Variants in BCKDHB observed in about 807,000 individuals in gnomAD.
The protein encoded by BCKDHB is 2-oxoisovalerate dehydrogenase subunit beta, mitochondrial.
BCKDHB carries 41 observed loss-of-function variants against 48.5 expected under a neutral mutation model. That is an observed-to-expected ratio of 0.85 (90% CI 0.66 to 1.10). BCKDHB has a LOEUF of 1.10. BCKDHB is among the 50% of genes least tolerant of loss of function. The pLI, the probability that BCKDHB is intolerant of heterozygous loss-of-function variation, is 0.00. For missense variants in BCKDHB, 496 were observed against 494.2 expected (o/e 1.00, Z -0.03); for synonymous variants, 201 against 174.8 (o/e 1.15, Z -1.18).
At chr6:80,170,030 C>A in intron 5 of BCKDHB, 1 of 739,818 alleles carries the variant, frequency 1.4e-6, no homozygotes. Flanking sequence ...CATTTTCTTT[C>A]TTCCTCTTCC....
intron 3 of BCKDHB, among the ~76,000 whole-genome samples, chr6:80,163,821 A>G (rs1021612027): frequency 6.6e-6 from 1 of 152,174 alleles, no homozygotes; most frequent in African/African-American, 2.4e-5. Context: ...CCTTCAGGTT[A>G]CCCAGGCCAA....
intron 3 of BCKDHB, among the ~76,000 whole-genome samples, chr6:80,153,202 A>C (rs1771875854): frequency 6.6e-6 from 1 of 152,092 alleles, no homozygotes; most frequent in Non-Finnish European, 1.5e-5. Flanking sequence ...GTTCAGTGGT[A>C]AACCTCAGGA....
the BCKDHB span, among the ~76,000 whole-genome samples, chr6:80,429,305 T>C: frequency 1.3e-5 from 2 of 152,232 alleles, no homozygotes; most frequent in Non-Finnish European, 2.9e-5. Context: ...TCAGGTAGCA[T>C]GATGCCTCCA....
intron 1 of BCKDHB, among the ~76,000 whole-genome samples, chr6:80,117,516 C>T (rs1655261182): frequency 6.6e-6 from 1 of 152,176 alleles, no homozygotes; most frequent in African/African-American, 2.4e-5. Flanking sequence ...CAAAACTGGC[C>T]ATAAAGAGAA....
chr6:80,190,277 T>G (rs1773832603), intron 6 of BCKDHB, among the ~76,000 whole-genome samples: 1 of 152,190 alleles, frequency 6.6e-6, no homozygotes, highest in Non-Finnish European at 1.5e-5. Context: ...TATTTTCTAT[T>G]TTTAAACAAA....
intron 8 of BCKDHB, among the ~76,000 whole-genome samples, chr6:80,239,236 A>G (rs535941271): frequency 3.0e-3 from 462 of 152,230 alleles, no homozygotes; most frequent in Non-Finnish European, 5.6e-3. Context: ...AAGTGTTCCT[A>G]TTTCTCCACA....
At chr6:80,270,065 A>G (rs968046525) in intron 8 of BCKDHB, among the ~76,000 whole-genome samples, 2 of 152,156 alleles carry the variant, frequency 1.3e-5, no homozygotes, top group African/African-American at 4.8e-5. Flanking sequence ...CATTTTCACT[A>G]TACTAACATT....
intron 6 of BCKDHB, among the ~76,000 whole-genome samples, chr6:80,174,126 C>A (rs116945354): frequency 1.2e-3 from 188 of 152,152 alleles, no homozygotes; most frequent in East Asian, 6.8e-3. Context: ...TACATCCCTT[C>A]TTTTTAAATT....
At chr6:80,376,531 A>G in the BCKDHB span, among the ~76,000 whole-genome samples, 1 of 152,182 alleles carries the variant, frequency 6.6e-6, no homozygotes, top group Non-Finnish European at 1.5e-5. Flanking sequence ...GGGTCTGTGA[A>G]TTCTCTTGGC....
the BCKDHB span, among the ~76,000 whole-genome samples, chr6:80,411,945 C>T: frequency 2.0e-5 from 3 of 152,330 alleles, no homozygotes; most frequent in African/African-American, 7.2e-5. Context: ...TGCTTTGGCT[C>T]AGCCTCTGTG....
At chr6:80,158,411 A>G (rs1304902945) in intron 3 of BCKDHB, among the ~76,000 whole-genome samples, 1 of 152,182 alleles carries the variant, frequency 6.6e-6, no homozygotes, top group African/African-American at 2.4e-5. Flanking sequence ...ATTTCTAAAC[A>G]ATGCTTCTTG....
In BCKDHB at chr6:80,168,859, T is replaced by C; in HGVS notation, c.478-16T>C. On this transcript the variant is annotated splice_polypyrimidine_tract_variant and intron_variant, in intron 4 of 9. Coordinates refer to ENST00000320393, the MANE Select transcript of BCKDHB (RefSeq NM_183050.4). ...GACTCATTGTGCCATGCCCCGTCTT[T>C]CTTTCTGACCCTCAGATTGTTAATG... 1 of 1,613,732 alleles carries C rather than the reference T, an allele frequency of 6.2e-7. No homozygotes were observed. Among genetic ancestry groups the C allele is most frequent in the Non-Finnish European group, 8.5e-7 (1 of 1,179,876 alleles).
At chr6:80,375,598 T>C in the BCKDHB span, among the ~76,000 whole-genome samples, 1 of 152,190 alleles carries the variant, frequency 6.6e-6, no homozygotes, top group African/African-American at 2.4e-5. Context: ...TTACCTTTTC[T>C]CTGGTGCCTC....
chr6:80,281,579 A>G (rs1371181022), intron 9 of BCKDHB, among the ~76,000 whole-genome samples: 7 of 152,224 alleles, frequency 4.6e-5, no homozygotes, highest in Non-Finnish European at 8.8e-5. Flanking sequence ...CGATGAATAT[A>G]GACTACCATT....
At chr6:80,128,535 G>T (rs1175430396) in intron 2 of BCKDHB, among the ~76,000 whole-genome samples, 1 of 151,856 alleles carries the variant, frequency 6.6e-6, no homozygotes, top group Non-Finnish European at 1.5e-5. Context: ...TGTGTCCTTC[G>T]TGCTTGCCTC....
At chr6:80,267,276 T>G (rs1013947802) in intron 8 of BCKDHB, among the ~76,000 whole-genome samples, 3 of 152,098 alleles carry the variant, frequency 2.0e-5, no homozygotes, top group African/African-American at 7.2e-5. Context: ...GTGTGCTGCC[T>G]TCACCTTATT....
At chr6:80,219,787 A>G (rs73748751) in intron 8 of BCKDHB, among the ~76,000 whole-genome samples, 3,008 of 152,324 alleles carry the variant, frequency 0.02, 93 homozygotes, top group African/African-American at 0.068. Flanking sequence ...TTGGCTGCGT[A>G]TAGTATTCTA....
At chr6:80,299,991 A>G (rs749715629) in intron 9 of BCKDHB, among the ~76,000 whole-genome samples, 8 of 152,164 alleles carry the variant, frequency 5.3e-5, no homozygotes, top group Non-Finnish European at 8.8e-5. Flanking sequence ...AGACTCAAAG[A>G]AAAGGATGGA....
At chr6:80,360,081 G>A in the BCKDHB span, among the ~76,000 whole-genome samples, 1 of 152,148 alleles carries the variant, frequency 6.6e-6, no homozygotes, top group African/African-American at 2.4e-5. Context: ...GAGGTGGTTA[G>A]GGATGACAAG....
Sources: gnomAD v4.1 joint callset for allele counts (sites outside exome capture counted in the v4.1 genomes callset) on GRCh38, gnomAD v4.1.1 for gene constraint, MANE v1.5 for transcripts, NCBI Gene and HGNC (gene_info 2026-07-23, HGNC 2026-07-21) for gene names.